Variants in RIF1 observed in about 807,000 individuals in gnomAD.
The protein encoded by RIF1 is telomere-associated protein RIF1.
A neutral mutation model predicts 247.1 loss-of-function variants in RIF1; 45 were observed. The ratio of observed to expected loss-of-function variants is 0.18; its 90% CI spans 0.14 to 0.23. The LOEUF is 0.23. Among genes scored for constraint, RIF1 ranks in the 10% least tolerant of loss-of-function variants. The pLI is 1.00. For synonymous variants in RIF1, 1,087 were observed against 978.8 expected (o/e 1.11, Z -2.06); for missense variants, 2,967 against 2,862.5 (o/e 1.04, Z -0.83).
downstream of RIF1, chr2:151,486,598 T>C (rs1369084129): frequency 1.3e-5 from 2 of 152,248 alleles, no homozygotes; most frequent in African/African-American, 4.8e-5. Flanking sequence ...TGGAAACAAC[T>C]TAAATGCCCA....
chr2:151,527,481 A>G, the RIF1 span: 6 of 1,610,128 alleles, frequency 3.7e-6, no homozygotes, highest in Admixed American at 5.0e-5. Context: ...CCTGTCTTAC[A>G]TCGCTTTGCT....
chr2:151,512,598 G>A, downstream of RIF1: 1 of 722,002 alleles, frequency 1.4e-6, no homozygotes. Flanking sequence ...ACAGACGTGA[G>A]CCACTGCACC....
the RIF1 span, among the ~76,000 whole-genome samples, chr2:151,518,114 A>G: frequency 6.6e-6 from 1 of 152,230 alleles, no homozygotes; most frequent in Admixed American, 6.5e-5. Context: ...CCAGTAGCAC[A>G]TAATTGCATG....
intron 3 of RIF1, 45 bp from the exon 4 acceptor site, chr2:151,414,778 T>G: frequency 7.3e-7 from 1 of 1,374,372 alleles, no homozygotes; most frequent in Non-Finnish European, 1.0e-6. Context: ...AAAAATTGAT[T>G]TACAGTTGTG....
intron 9 of RIF1, among the ~76,000 whole-genome samples, chr2:151,494,619 T>C (rs1218093706): frequency 6.6e-6 from 1 of 152,134 alleles, no homozygotes; most frequent in Non-Finnish European, 1.5e-5. Context: ...CTGTTCCTAA[T>C]ACATCAGCTG....
intron 9 of RIF1, chr2:151,492,327 A>C: frequency 6.3e-7 from 1 of 1,597,200 alleles, no homozygotes; most frequent in Non-Finnish European, 8.5e-7. Flanking sequence ...TGGTGTGACT[A>C]TATCCCTTTT....
intron 7 of RIF1, among the ~76,000 whole-genome samples, chr2:151,421,944 C>G (rs1222340562): frequency 6.6e-6 from 1 of 151,894 alleles, no homozygotes; most frequent in Non-Finnish European, 1.5e-5. Flanking sequence ...AAGCGATTCT[C>G]CTGCCTCAGC....
the RIF1 span, among the ~76,000 whole-genome samples, chr2:151,520,531 TGGAA>T: frequency 6.6e-6 from 1 of 152,156 alleles, no homozygotes. Context: ...TTTGATTGAA[TGGAA>T]GGAAGAGACA....
chr2:151,525,006 C>T, the RIF1 span, among the ~76,000 whole-genome samples: 1 of 152,076 alleles, frequency 6.6e-6, no homozygotes. Context: ...TAAGCACAAT[C>T]AGCTTTTTTC....
chr2:151,456,801 C>T lies in RIF1; in HGVS notation c.2652+181C>T, dbSNP rs183927319. Among the ~76,000 whole-genome samples, 234 of 152,226 alleles carry T rather than the reference C, an allele frequency of 1.5e-3. 1 individual carries two copies. Among genetic ancestry groups the T allele is most frequent in the Middle Eastern group, 6.8e-3 (2 of 294 alleles). ...AAGCTGGAGTGCAGTGGCAGGATCTCGGCTCACTGCAACCTCCACCTCCTG... is the reference window on the plus strand; with the variant it reads ...AAGCTGGAGTGCAGTGGCAGGATCTTGGCTCACTGCAACCTCCACCTCCTG... On this transcript the variant is annotated intron_variant, in intron 23 of 35. Transcript: ENST00000444746.
chr2:151,474,142 T>G, intron 35 of RIF1, 70 bp downstream of exon 35: 1 of 796,116 alleles, frequency 1.3e-6, no homozygotes, highest in Non-Finnish European at 2.1e-6. Flanking sequence ...ATGTTATTTT[T>G]TTTAGTCTGA....
chr2:151,534,427 G>T, the RIF1 span: 1 of 896,974 alleles, frequency 1.1e-6, no homozygotes, highest in Non-Finnish European at 1.8e-6. Flanking sequence ...CTCTAGTGGC[G>T]GGCTCCCAAC....
Position 151,479,697 on chromosome 2 carries a change from A to G in RIF1, c.*4626A>G, listed in dbSNP as rs894162379. ...GAAATTTGAAAGATGGAGTTGAATA[A>G]TATGATTCTCGAAAAGTGAGTTTTT... On this transcript the variant is annotated 3_prime_UTR_variant, in exon 36 of 36. Transcript: ENST00000444746. 2.0e-5 allele frequency: 3 copies of G among 152,192 alleles called. No individual in the cohort carries two copies. Among genetic ancestry groups the G allele is most frequent in the Non-Finnish European group, 4.4e-5 (3 of 68,030 alleles). The allele number at this position is 152,192 out of a possible 1,614,324, so 9.4% of individuals were successfully genotyped here.
chr2:151,417,248 G>A (rs1687361252), intron 6 of RIF1, among the ~76,000 whole-genome samples: 1 of 152,206 alleles, frequency 6.6e-6, no homozygotes, highest in African/African-American at 2.4e-5. Flanking sequence ...AAGGCAGTCA[G>A]TGTTTAGCAG....
chr2:151,436,786 T>C, intron 11 of RIF1, 41 bp from the exon 12 acceptor site: 1 of 1,442,528 alleles, frequency 6.9e-7, no homozygotes, highest in South Asian at 1.4e-5. Context: ...TAATATAAAA[T>C]GAGCTTGTAT....
intron 10 of RIF1, chr2:151,497,816 C>T: frequency 2.0e-6 from 3 of 1,533,580 alleles, no homozygotes; most frequent in Non-Finnish European, 2.6e-6. Context: ...ATCCAAGGAG[C>T]CAGAAGTTAT....
the RIF1 span, chr2:151,534,276 T>C: frequency 1.2e-6 from 2 of 1,613,550 alleles, no homozygotes; most frequent in African/African-American, 2.7e-5. Flanking sequence ...GACTACCAGG[T>C]GGTATTTATC....
Position 151,461,277 on chromosome 2 carries a change from TCAAAA to T in RIF1, c.3220_3224del (p.Thr1074AlafsTer3). ...TTAACTGATCATCAAAAAGAAGTTC[TCAAAA>T]CAAAGCGGTTTGTAGGCCTTTTATC... On this transcript the variant is annotated frameshift_variant, in exon 27 of 36. Transcript: ENST00000444746. LOFTEE classifies it high-confidence loss of function. 1 of 1,612,388 alleles carries T rather than the reference TCAAAA, an allele frequency of 6.2e-7. No individual in the cohort carries two copies. The highest frequency in any genetic ancestry group is 8.5e-7 in the Non-Finnish European group (1 of 1,179,640).
chr2:151,421,555 G>A (rs556819680), intron 7 of RIF1, among the ~76,000 whole-genome samples: 47 of 152,210 alleles, frequency 3.1e-4, no homozygotes, highest in African/African-American at 1.1e-3. Context: ...TAGATTACAT[G>A]GAAAGCCATA....
Sources: gnomAD v4.1 joint callset for allele counts (sites outside exome capture counted in the v4.1 genomes callset) on GRCh38, gnomAD v4.1.1 for gene constraint, MANE v1.5 for transcripts, NCBI Gene and HGNC (gene_info 2026-07-23, HGNC 2026-07-21) for gene names.